Variants in MEP1A observed in about 807,000 individuals in gnomAD.
MEP1A encodes the protein meprin A subunit alpha.
In MEP1A, 68 loss-of-function variants were observed where a neutral mutation model predicts 84.5. That is an observed-to-expected ratio of 0.80 (90% confidence interval 0.66 to 0.98). The LOEUF is 0.98. Among genes scored for constraint, MEP1A ranks in the 50% least tolerant of loss-of-function variants. The pLI is 0.00. For synonymous variants in MEP1A, 337 were observed against 336.8 expected, an observed-to-expected ratio of 1.00 and a Z score of -0.01; for missense variants, 887 against 919.9, an observed-to-expected ratio of 0.96 and a Z score of 0.46.
In MEP1A at chr6:46,835,331, G is replaced by A; in HGVS notation, c.1866G>A (p.Glu622=). The change falls in exon 13 of 14, where the codon GAG becomes GAA. Residue 622 remains glutamate, a synonymous_variant. Transcript: ENST00000230588. The part of the protein sequence containing the change: ...SPQGLILQGQ[E]QQVSEEGSGK... Reference sequence around the variant, plus strand: ...AAGGCCTCATTCTCCAAGGCCAGGAGCAGCAGGTCTCCGAAGAAGGTTCGG... The same window carrying A: ...AAGGCCTCATTCTCCAAGGCCAGGAACAGCAGGTCTCCGAAGAAGGTTCGG... The A allele has an allele frequency of 6.2e-7, 1 of 1,609,204 alleles. No individual in the cohort carries two copies. Among genetic ancestry groups the A allele is most frequent in the Non-Finnish European group, 8.5e-7 (1 of 1,177,806 alleles).
chr6:46,813,994 G>T (rs545344152), intron 6 of MEP1A, among the ~76,000 whole-genome samples: 1 of 152,034 alleles, frequency 6.6e-6, no homozygotes, highest in African/African-American at 2.4e-5. Context: ...TCTTTCCTTT[G>T]TCTTGATTTG....
At chr6:46,793,944 T>G (rs1400883904) in intron 3 of MEP1A, among the ~76,000 whole-genome samples, 4 of 152,340 alleles carry the variant, frequency 2.6e-5, no homozygotes, top group African/African-American at 9.6e-5. Context: ...TCTAGAAATA[T>G]GTAACAAGTT....
rs376658556 is a variant in MEP1A at position 46,819,662 on chromosome 6, C to T, written c.514C>T (p.Arg172Trp). Residue 172 changes from arginine to tryptophan, a missense_variant, in exon 7 of 14, where the codon CGG (arginine) becomes TGG (tryptophan). Coordinates refer to ENST00000230588, the MANE Select transcript of MEP1A (RefSeq NM_005588.3). ...TTACCACGAGCAGTCAAGGACGGAC[C>T]GGGATGATTATGTGAACATCTGGTG... The part of the protein sequence containing the change: ...GFYHEQSRTD[R>W]DDYVNIWWDQ... The T allele has an allele frequency of 5.6e-6, 9 of 1,613,918 alleles. No homozygotes were observed. The highest frequency in any genetic ancestry group is 1.6e-4 in the Middle Eastern group (1 of 6,080).
At chr6:46,818,348 A>G (rs1767688241) in intron 6 of MEP1A, among the ~76,000 whole-genome samples, 1 of 152,204 alleles carries the variant, frequency 6.6e-6, no homozygotes, top group African/African-American at 2.4e-5. Context: ...TGGGGAGAAC[A>G]TTGGCAGGTA....
At chr6:46,841,175 A>G (rs1000014173), downstream of MEP1A, among the ~76,000 whole-genome samples, 6 of 152,244 alleles carry the variant, frequency 3.9e-5, no homozygotes, top group African/African-American at 1.2e-4. Context: ...TAGTACTCCA[A>G]ATTAAAACTG....
chr6:46,819,480 C>T (rs140440472), intron 6 of MEP1A, 49 bp from the exon 7 acceptor site: 2 of 1,484,686 alleles, frequency 1.3e-6, no homozygotes, highest in East Asian at 2.3e-5. Context: ...TGAATGACAG[C>T]CACTTAAAAA....
intron 10 of MEP1A, among the ~76,000 whole-genome samples, chr6:46,832,013 C>G (rs541493539): frequency 6.6e-6 from 1 of 152,150 alleles, no homozygotes; most frequent in Non-Finnish European, 1.5e-5. Flanking sequence ...TTAGACCTGT[C>G]CCTTGAAGTT....
chr6:46,811,780 A>C (rs1044820996), intron 6 of MEP1A, among the ~76,000 whole-genome samples: 2 of 151,710 alleles, frequency 1.3e-5, no homozygotes, highest in Non-Finnish European at 2.9e-5. Flanking sequence ...ACATTTATTG[A>C]TTTTGTATGT....
rs2297016 is a variant in MEP1A, at chr6:46,798,551, C to A, written c.146-55C>A. On this transcript the variant is annotated intron_variant, in intron 3 of 13. Coordinates refer to ENST00000230588, the MANE Select transcript of MEP1A (RefSeq NM_005588.3). The stretch of plus-strand genomic sequence containing the variant: ...AATACTAATTTTATTACGAAAGATG[C>A]CTTTTAATAATGTTCACTCAAATAT... The A allele has an allele frequency of 2.3e-6, 3 of 1,320,084 alleles. No homozygotes were observed. In the East Asian group the frequency reaches 6.9e-5, roughly 30 times the overall value. The allele number at this position is 1,320,084 out of a possible 1,614,324, so 81.8% of individuals were successfully genotyped here. A position where few individuals can be genotyped will look rare whatever the true frequency, so the allele number is the denominator to read the frequency against.
At chr6:46,809,601 C>T (rs1162003476) in intron 6 of MEP1A, 64 bp downstream of exon 6, 5 of 1,042,532 alleles carry the variant, frequency 4.8e-6, no homozygotes, top group African/African-American at 4.8e-5. Flanking sequence ...GTATTCTTTC[C>T]CCGAGTCCCC....
At chr6:46,822,336 A>T (rs1054676945) in intron 7 of MEP1A, among the ~76,000 whole-genome samples, 24 of 152,274 alleles carry the variant, frequency 1.6e-4, no homozygotes, top group African/African-American at 5.5e-4. Context: ...GCCCTGGATT[A>T]CAGCCCCTTT....
intron 9 of MEP1A, among the ~76,000 whole-genome samples, chr6:46,827,160 G>C (rs1258615325): frequency 3.9e-5 from 6 of 152,278 alleles, no homozygotes; most frequent in African/African-American, 1.4e-4. Flanking sequence ...CCTATATATG[G>C]TGTAGTGAAA....
intron 9 of MEP1A, among the ~76,000 whole-genome samples, chr6:46,828,620 C>T (rs890713423): frequency 2.6e-5 from 4 of 152,188 alleles, no homozygotes; most frequent in African/African-American, 4.8e-5. Context: ...TTGTGCTTGA[C>T]TTTGACAAGT....
intron 10 of MEP1A, among the ~76,000 whole-genome samples, chr6:46,830,748 C>G (rs763490436): frequency 2.0e-5 from 3 of 152,150 alleles, no homozygotes; most frequent in African/African-American, 7.2e-5. Flanking sequence ...GTGCCCAAAT[C>G]GCCTATATCC....
At chr6:46,836,402 T>A (rs1244602141) in intron 13 of MEP1A, among the ~76,000 whole-genome samples, 2 of 152,244 alleles carry the variant, frequency 1.3e-5, no homozygotes, top group Non-Finnish European at 2.9e-5. Context: ...TTCTTCTGAG[T>A]TCTTTTTAGT....
intron 7 of MEP1A, among the ~76,000 whole-genome samples, chr6:46,820,624 G>C (rs1344032607): frequency 6.6e-6 from 1 of 152,148 alleles, no homozygotes; most frequent in East Asian, 1.9e-4. Context: ...CTGACCTCAG[G>C]TGATCGGCCT....
chr6:46,798,532 A>T (rs1176911521), intron 3 of MEP1A, 74 bp from the exon 4 acceptor site: 1 of 1,198,222 alleles, frequency 8.3e-7, no homozygotes, highest in Non-Finnish European at 1.2e-6. Flanking sequence ...GGCAAATACT[A>T]ATTTTATTAC....
chr6:46,816,643 A>G (rs1193041042), intron 6 of MEP1A, among the ~76,000 whole-genome samples: 1 of 152,054 alleles, frequency 6.6e-6, no homozygotes, highest in Non-Finnish European at 1.5e-5. Flanking sequence ...GAGAGCAAAC[A>G]TGAACCTGAA....
At chr6:46,807,761 A>C (rs2150743874) in intron 5 of MEP1A, among the ~76,000 whole-genome samples, 1 of 141,652 alleles carries the variant, frequency 7.1e-6, no homozygotes, top group Non-Finnish European at 1.5e-5. Context: ...GAAGGAAGGA[A>C]GGGAGAAAGG....
Sources: allele counts gnomAD v4.1 joint callset (sites outside exome capture counted in the v4.1 genomes callset), GRCh38; gene constraint gnomAD v4.1.1; transcripts MANE v1.5; gene names NCBI Gene and HGNC (gene_info 2026-07-23, HGNC 2026-07-21).